ERI3: variants seen among roughly 807,000 people sequenced by gnomAD.
ERI3 encodes ERI1 exoribonuclease family member 3, also known as ERI1 exoribonuclease 3.
ERI3 carries 18 observed loss-of-function variants against 44.4 expected under a neutral mutation model. That is an observed-to-expected ratio of 0.41 (90% CI 0.28 to 0.60). The LOEUF is 0.60. Among genes scored for constraint, ERI3 ranks in the 20% least tolerant of loss-of-function variants. The pLI is 0.36. For missense variants in ERI3, 294 were observed against 435.5 expected (o/e 0.68, Z 2.89); for synonymous variants, 183 against 164.8 (o/e 1.11, Z -0.84).
At chr1:44,249,201 C>T (rs80331205) in intron 7 of ERI3, among the ~76,000 whole-genome samples, 4,900 of 152,238 alleles carry the variant, frequency 0.032, 98 homozygotes, top group Middle Eastern at 0.041. Flanking sequence ...GGCTGCCCTT[C>T]TACCAGTGGC....
chr1:44,338,450 C>G (rs938026216), intron 3 of ERI3, among the ~76,000 whole-genome samples: 1 of 152,238 alleles, frequency 6.6e-6, no homozygotes, highest in African/African-American at 2.4e-5. Flanking sequence ...CTAAGAGCCT[C>G]AGTTCCTACA....
rs1042385885 is a variant in ERI3, at chr1:44,252,943, G to A, written c.832-4905C>T. Among the ~76,000 whole-genome samples the A allele has an allele frequency of 3.9e-5, 6 of 152,210 alleles. No individual in the cohort carries two copies. In the South Asian group the frequency reaches 1.0e-3, roughly 26 times the overall value. On this transcript the variant is annotated intron_variant, in intron 7 of 8. Coordinates refer to ENST00000372257, the MANE Select transcript of ERI3 (RefSeq NM_024066.3). The surrounding 1 kb of genome is among the most constrained non-coding windows in gnomAD (Gnocchi z 4.7). The stretch of plus-strand genomic sequence containing the variant: ...TTCAGCCTATCCATCCCACCTAGAG[G>A]TGAGGAGGAGCAGGCCTTTAACCAT...
At chr1:44,291,203 G>A (rs1225232472) in intron 6 of ERI3, among the ~76,000 whole-genome samples, 1 of 152,134 alleles carries the variant, frequency 6.6e-6, no homozygotes, top group East Asian at 1.9e-4. Flanking sequence ...AGCGGAGGAG[G>A]GTAGAGAGAA....
At chr1:44,312,932 C>G (rs1572252884) in intron 5 of ERI3, among the ~76,000 whole-genome samples, 2 of 152,266 alleles carry the variant, frequency 1.3e-5, no homozygotes, top group South Asian at 4.1e-4. Context: ...GTGGGGGCCC[C>G]TCTGCCTGAC....
intron 7 of ERI3, among the ~76,000 whole-genome samples, chr1:44,249,339 C>CT (rs1330287438): frequency 1.3e-5 from 2 of 152,146 alleles, no homozygotes; most frequent in Non-Finnish European, 2.9e-5. Context: ...TGGTCCAGCC[C>CT]TTTGCTAGTC....
chr1:44,346,126 C>T (rs1323440281), intron 2 of ERI3, among the ~76,000 whole-genome samples: 1 of 152,228 alleles, frequency 6.6e-6, no homozygotes, highest in African/African-American at 2.4e-5. Flanking sequence ...CTCACCTCAA[C>T]AAAACAGTCT....
In ERI3 at chr1:44,355,201, G is replaced by C. The variant is rs1427766635; in HGVS notation, c.-175C>G. 2.0e-5 allele frequency: 24 copies of C among 1,195,766 alleles called. No individual in the cohort carries two copies. The highest frequency in any genetic ancestry group is 2.3e-5 in the Non-Finnish European group (22 of 964,970). 74.1% of individuals were successfully genotyped at this position (1,195,766 alleles called of 1,614,324 possible). On this transcript the variant is annotated 5_prime_UTR_variant, in exon 1 of 9. Coordinates refer to ENST00000372257, the MANE Select transcript of ERI3 (RefSeq NM_024066.3). ...CAGCTCCGCCCGCTCCCCACCGCCC[G>C]TTCCCGGCCGCCTGAACAGCGGCAG...
At chr1:44,263,201 C>T (rs1644927618) in intron 7 of ERI3, among the ~76,000 whole-genome samples, 1 of 152,176 alleles carries the variant, frequency 6.6e-6, no homozygotes, top group South Asian at 2.1e-4. Flanking sequence ...GGATCAGACA[C>T]TTGGAAAAGG....
rs528125164 is a variant in ERI3 at position 44,325,191 on chromosome 1, C to A, written c.490-5447G>T. Among the ~76,000 whole-genome samples, 7 of 151,926 alleles carry A rather than the reference C, an allele frequency of 4.6e-5. No homozygotes were observed. The East Asian group carries it at 1.4e-3, about 30-fold the overall frequency. ...CTCCCGGGTTCAAGCAATTCTCCTG[C>A]CTCAGCCTCCCAAGTAGCTGGGATT... On this transcript the variant is annotated intron_variant, in intron 3 of 8. Transcript: ENST00000372257.
At chr1:44,232,392 A>G (rs1296219080) in intron 8 of ERI3, among the ~76,000 whole-genome samples, 4 of 152,226 alleles carry the variant, frequency 2.6e-5, no homozygotes, top group Non-Finnish European at 5.9e-5. Context: ...AAAAAGGCTA[A>G]AAGAATCAAG....
At chr1:44,265,178 CT>C (rs1453933966) in intron 7 of ERI3, among the ~76,000 whole-genome samples, 1 of 152,146 alleles carries the variant, frequency 6.6e-6, no homozygotes, top group African/African-American at 2.4e-5. Flanking sequence ...AGTGTTGAGT[CT>C]GCTCGAGGCC....
At chr1:44,275,397 C>T (rs568611970) in intron 7 of ERI3, among the ~76,000 whole-genome samples, 2 of 152,318 alleles carry the variant, frequency 1.3e-5, no homozygotes, top group African/African-American at 4.8e-5. Flanking sequence ...TGCTGACCTG[C>T]TATGGCCCCC....
chr1:44,321,621 AT>A (rs1279050362), intron 3 of ERI3, among the ~76,000 whole-genome samples: 5 of 152,240 alleles, frequency 3.3e-5, no homozygotes, highest in Middle Eastern at 3.2e-3. Context: ...AATCAGGCTC[AT>A]CTGACTCCTG....
chr1:44,329,130 G>A (rs937024260), intron 3 of ERI3, among the ~76,000 whole-genome samples: 1 of 152,288 alleles, frequency 6.6e-6, no homozygotes, highest in East Asian at 1.9e-4. Flanking sequence ...CTGTCCAGAT[G>A]AACCAAAAAG....
intron 6 of ERI3, among the ~76,000 whole-genome samples, chr1:44,303,292 G>A (rs1465354867): frequency 6.6e-6 from 1 of 152,210 alleles, no homozygotes; most frequent in Non-Finnish European, 1.5e-5. Context: ...TCACATTCAG[G>A]CTGGTGTAGC....
chr1:44,331,994 T>A (rs527864931), intron 3 of ERI3, among the ~76,000 whole-genome samples: 1 of 152,314 alleles, frequency 6.6e-6, no homozygotes, highest in East Asian at 1.9e-4. Flanking sequence ...ATGTCTGCCC[T>A]CCTTGACTAT....
At chr1:44,230,705 T>C (rs1487715090) in intron 8 of ERI3, among the ~76,000 whole-genome samples, 1 of 152,214 alleles carries the variant, frequency 6.6e-6, no homozygotes, top group Non-Finnish European at 1.5e-5. Context: ...ATCCAGACCA[T>C]GGCCACCTCC....
At chr1:44,322,850 C>T in intron 3 of ERI3, 1 of 1,547,878 alleles carries the variant, frequency 6.5e-7, no homozygotes, top group Non-Finnish European at 8.7e-7. Context: ...AGCCAGGGCA[C>T]CTGAAGCATG....
intron 7 of ERI3, among the ~76,000 whole-genome samples, chr1:44,248,462 G>A (rs553505292): frequency 1.3e-5 from 2 of 152,154 alleles, no homozygotes; most frequent in Admixed American, 6.5e-5. Context: ...CTAGCTTCAG[G>A]CAGGACCTTG....
Sources: allele counts gnomAD v4.1 joint callset (sites outside exome capture counted in the v4.1 genomes callset), GRCh38; gene constraint gnomAD v4.1.1; non-coding constraint Gnocchi (gnomAD v3.1); transcripts MANE v1.5; gene names NCBI Gene and HGNC (gene_info 2026-07-23, HGNC 2026-07-21).